The following MCTP1 variants were observed in gnomAD, a reference collection of about 807,000 sequenced individuals.
The protein encoded by MCTP1 is multiple C2 and transmembrane domain-containing protein 1.
Under a neutral mutation model 120.6 loss-of-function variants are expected in MCTP1, and 69 were observed. The observed-to-expected ratio is 0.57, with a 90% CI of 0.47 to 0.70. The LOEUF is 0.70. Among genes scored for constraint, MCTP1 ranks in the 30% least tolerant of loss-of-function variants. MCTP1 has a pLI of 0.00. For missense variants in MCTP1, 1,203 were observed against 1,248.8 expected (o/e 0.96, Z 0.55); for synonymous variants, 529 against 493.1 (o/e 1.07, Z -0.96).
In MCTP1 at chr5:94,992,166, G is replaced by A. The variant is rs536796940; in HGVS notation, c.838+25201C>T. ...ACAATGCCGCGTGCCAGAGCCCATT[G>A]GAATATATAATACTCACTAAAAATA... On this transcript the variant is annotated intron_variant, in intron 2 of 22. Transcript: ENST00000515393. 2.0e-5 allele frequency among the ~76,000 whole-genome samples: 3 copies of A among 152,194 alleles called. No homozygotes were observed. The South Asian group carries it at 6.2e-4, about 32-fold the overall frequency.
At chr5:94,793,384 C>T (rs1779375800) in intron 18 of MCTP1, 1 of 152,072 alleles carries the variant, frequency 6.6e-6, no homozygotes, top group African/African-American at 2.4e-5. Flanking sequence ...TTTCATGGTC[C>T]TCCTCAGATT....
chr5:94,838,196 C>T (rs779708896), intron 17 of MCTP1, among the ~76,000 whole-genome samples: 1 of 152,164 alleles, frequency 6.6e-6, no homozygotes, highest in Non-Finnish European at 1.5e-5. Flanking sequence ...CAGCCATCAT[C>T]GTACTTTACA....
intron 19 of MCTP1, among the ~76,000 whole-genome samples, chr5:94,738,493 G>A (rs929097161): frequency 3.9e-5 from 6 of 152,230 alleles, no homozygotes; most frequent in South Asian, 2.1e-4. Context: ...ACACTCACCA[G>A]CCTGTCCCCC....
At chr5:94,738,250 G>A (rs2152737569) in intron 19 of MCTP1, among the ~76,000 whole-genome samples, 1 of 152,234 alleles carries the variant, frequency 6.6e-6, no homozygotes, top group South Asian at 2.1e-4. Flanking sequence ...AATCCCCACT[G>A]CACTATCTAG....
intron 1 of MCTP1, among the ~76,000 whole-genome samples, chr5:95,099,025 G>A (rs1026846161): frequency 2.6e-5 from 4 of 151,696 alleles, no homozygotes; most frequent in African/African-American, 9.7e-5. Context: ...ATGGGGAAAG[G>A]ATTCCCTATT....
intron 17 of MCTP1, among the ~76,000 whole-genome samples, chr5:94,849,734 T>C (rs1328665395): frequency 6.6e-6 from 1 of 152,118 alleles, no homozygotes; most frequent in African/African-American, 2.4e-5. Context: ...ACATGTACTA[T>C]TTTCAACCCA....
intron 19 of MCTP1, among the ~76,000 whole-genome samples, chr5:94,729,108 A>G (rs1012193037): frequency 6.6e-6 from 1 of 152,212 alleles, no homozygotes; most frequent in Non-Finnish European, 1.5e-5. Context: ...GGCTGCTCTA[A>G]TGATAAAACT....
intron 1 of MCTP1, among the ~76,000 whole-genome samples, chr5:95,183,685 G>A (rs1254903456): frequency 1.3e-5 from 2 of 152,050 alleles, no homozygotes; most frequent in Non-Finnish European, 1.5e-5. Flanking sequence ...AGATTGAGCC[G>A]ACATTCGCCA....
At chr5:94,856,203 A>G (rs1250455087) in intron 17 of MCTP1, among the ~76,000 whole-genome samples, 1 of 151,800 alleles carries the variant, frequency 6.6e-6, no homozygotes, top group African/African-American at 2.4e-5. Flanking sequence ...AGGGCAGCAA[A>G]TATTAAAAAT....
At chr5:95,234,578 T>C (rs1297607826) in intron 1 of MCTP1, among the ~76,000 whole-genome samples, 2 of 152,304 alleles carry the variant, frequency 1.3e-5, no homozygotes, top group South Asian at 2.1e-4. Context: ...TGAGTAATAA[T>C]AGTCTATTCC....
chr5:95,096,061 A>C (rs1756243867), intron 1 of MCTP1, among the ~76,000 whole-genome samples: 1 of 152,214 alleles, frequency 6.6e-6, no homozygotes, highest in African/African-American at 2.4e-5. Context: ...AAAAAATGTG[A>C]TACTAATGAC....
At chr5:95,024,593 C>T (rs982916716) in intron 1 of MCTP1, among the ~76,000 whole-genome samples, 1 of 151,130 alleles carries the variant, frequency 6.6e-6, no homozygotes, top group Non-Finnish European at 1.5e-5. Flanking sequence ...CAACGTAGTA[C>T]TAGAAGTCCT....
In MCTP1 at chr5:95,017,381, G is replaced by T; in HGVS notation, c.824C>A (p.Ala275Asp). The change falls in exon 2 of 23, where the codon GCT (alanine) becomes GAT (aspartate). Residue 275 changes from alanine (A) to aspartate (D), a missense_variant. By Grantham distance (126) the Ala-to-Asp change is moderately radical. Coordinates refer to ENST00000515393, the MANE Select transcript of MCTP1 (RefSeq NM_024717.7). The stretch of plus-strand genomic sequence containing the variant: ...TATGCTCTTACCTCCTCGATCTCGA[G>T]CAGCTAAACTTTGACCCCTTCTTAA... Reference protein sequence around the residue: ...ITLRRGQSLAARDRGGTSDPY... With the variant: ...ITLRRGQSLADRDRGGTSDPY... The T allele has an allele frequency of 6.2e-7, 1 of 1,605,680 alleles. No individual in the cohort carries two copies. The highest frequency in any genetic ancestry group is 8.5e-7 in the Non-Finnish European group (1 of 1,174,756).
chr5:95,113,209 A>C (rs987999758), intron 1 of MCTP1, among the ~76,000 whole-genome samples: 8 of 152,082 alleles, frequency 5.3e-5, no homozygotes, highest in Non-Finnish European at 1.0e-4. Flanking sequence ...TTAGGGTAGG[A>C]GGGGATGAAG....
chr5:94,711,546 A>G (rs1756993822), intron 20 of MCTP1, among the ~76,000 whole-genome samples: 1 of 152,156 alleles, frequency 6.6e-6, no homozygotes, highest in African/African-American at 2.4e-5. Context: ...AAGTACATAG[A>G]TAATTAATAA....
chr5:95,186,641 TG>T (rs1749240246), intron 1 of MCTP1, among the ~76,000 whole-genome samples: 1 of 152,188 alleles, frequency 6.6e-6, no homozygotes, highest in Non-Finnish European at 1.5e-5. Flanking sequence ...CCCAGCTTTG[TG>T]GACATAGAGA....
At chr5:94,949,861 A>G (rs1361860973) in intron 3 of MCTP1, among the ~76,000 whole-genome samples, 2 of 152,218 alleles carry the variant, frequency 1.3e-5, no homozygotes, top group African/African-American at 4.8e-5. Flanking sequence ...TGTGGGCATC[A>G]TATCAGAACT....
intron 1 of MCTP1, among the ~76,000 whole-genome samples, chr5:95,208,551 G>A (rs930106579): frequency 6.6e-6 from 1 of 151,864 alleles, no homozygotes; most frequent in Admixed American, 6.6e-5. Context: ...TTTTTATTTA[G>A]CAGATGAAGA....
At chr5:94,979,636 T>C (rs1180694812) in intron 2 of MCTP1, 1 of 152,046 alleles carries the variant, frequency 6.6e-6, no homozygotes, top group Non-Finnish European at 1.5e-5. Flanking sequence ...AAGCCTGGCC[T>C]ATAAAAATCT....
Sources: allele counts gnomAD v4.1 joint callset (sites outside exome capture counted in the v4.1 genomes callset), GRCh38; gene constraint gnomAD v4.1.1; transcripts MANE v1.5; gene names NCBI Gene and HGNC (gene_info 2026-07-23, HGNC 2026-07-21).